The following KAT7 variants were observed in gnomAD, a reference collection of about 807,000 sequenced individuals.
KAT7 encodes the protein histone acetyltransferase KAT7.
Under a neutral mutation model 82.1 loss-of-function variants are expected in KAT7, and 10 were observed. The observed-to-expected ratio is 0.12, with a 90% CI of 0.08 to 0.21. The LOEUF is 0.21. KAT7 is among the 10% of genes least tolerant of loss of function. The probability of loss-of-function intolerance (pLI) is 1.00; values close to 1 mark genes in which losing one functional copy is unlikely to be tolerated. For missense variants in KAT7, 378 were observed against 760.9 expected, an observed-to-expected ratio of 0.50 and a Z score of 5.92; for synonymous variants, 250 against 262.5, an observed-to-expected ratio of 0.95 and a Z score of 0.46.
intron 9 of KAT7, among the ~76,000 whole-genome samples, chr17:49,819,197 G>T (rs749571306): frequency 6.6e-6 from 1 of 152,138 alleles, no homozygotes; most frequent in Non-Finnish European, 1.5e-5. Flanking sequence ...CAGTTTGGTT[G>T]GTGATAACTG....
Position 49,817,848 on chromosome 17 carries a change from C to G in KAT7, c.992C>G (p.Thr331Arg). The change falls in exon 9 of 15, where the codon ACA (threonine) becomes AGA (arginine). Residue 331 changes from threonine (T) to arginine (R), a missense_variant. Around this residue, in one of 6 missense-constraint regions of KAT7, gnomAD observed 102 missense variants for 129.8 expected, o/e 0.79. Transcript: ENST00000259021. The part of the protein sequence containing the change: ...LEKLRLQGQI[T>R]EGSNMIKTIA... The stretch of plus-strand genomic sequence containing the variant: ...AAGTTAAGGCTGCAAGGCCAAATCA[C>G]AGAGGGAAGCAACATGATTAAAACA... 6.2e-7 allele frequency: 1 copy of G among 1,612,496 alleles called. No homozygotes were observed. Among genetic ancestry groups the G allele is most frequent in the Non-Finnish European group, 8.5e-7 (1 of 1,179,798 alleles).
At position 49,825,550 on chromosome 17, in the gene KAT7, C is replaced by T. The variant is rs534535572; in HGVS notation, c.1481-450C>T. 3.3e-5 allele frequency among the ~76,000 whole-genome samples: 5 copies of T among 152,254 alleles called. No individual in the cohort carries two copies. In the South Asian group the frequency reaches 8.3e-4, roughly 25 times the overall value. Reference sequence around the variant, plus strand: ...ACTGCGGTCCAAAAATAGGTGAGTACAGTACAATAAGATATTTTGAGAGAC... The same window carrying T: ...ACTGCGGTCCAAAAATAGGTGAGTATAGTACAATAAGATATTTTGAGAGAC... On this transcript the variant is annotated intron_variant, in intron 12 of 14. Coordinates refer to ENST00000259021, the MANE Select transcript of KAT7 (RefSeq NM_007067.5).
Position 49,828,774 on chromosome 17 carries a change from A to C in KAT7, c.*1272A>C, listed in dbSNP as rs1432293918. The C allele has an allele frequency of 6.5e-6, 1 of 153,170 alleles. No individual in the cohort carries two copies. Among genetic ancestry groups the C allele is most frequent in the South Asian group, 2.1e-4 (1 of 4,822 alleles). 9.5% of individuals were successfully genotyped at this position (153,170 alleles called of 1,614,324 possible). A position where few individuals can be genotyped will look rare whatever the true frequency, so the allele number is the denominator to read the frequency against. ...GGCAACTTTTGATGTATGACATGTC[A>C]CCCTTCCCAACTTGGTCTCCTCCAA... On this transcript the variant is annotated 3_prime_UTR_variant, in exon 15 of 15. Coordinates refer to ENST00000259021, the MANE Select transcript of KAT7 (RefSeq NM_007067.5).
At chr17:49,791,583 G>A (rs112523185) in intron 1 of KAT7, among the ~76,000 whole-genome samples, 10 of 152,294 alleles carry the variant, frequency 6.6e-5, no homozygotes, top group African/African-American at 2.4e-4. Context: ...ACTTGAACCC[G>A]GGAGGCGGAG....
chr17:49,826,385 C>G (rs1024304918), intron 13 of KAT7: 8 of 510,824 alleles, frequency 1.6e-5, no homozygotes, highest in African/African-American at 1.3e-4. Context: ...AGCAAAACTT[C>G]AGATCGTTTG....
intron 4 of KAT7, among the ~76,000 whole-genome samples, chr17:49,804,196 G>A (rs1306945526): frequency 1.3e-5 from 2 of 151,856 alleles, no homozygotes; most frequent in Non-Finnish European, 2.9e-5. Context: ...TGGCTAACAT[G>A]GTGAAACCCC....
intron 9 of KAT7, among the ~76,000 whole-genome samples, chr17:49,820,285 A>C (rs1598085134): frequency 1.3e-5 from 2 of 149,030 alleles, no homozygotes; most frequent in Non-Finnish European, 1.5e-5. Context: ...CTTTTTAAAC[A>C]CTTTTTTCTT....
chr17:49,823,190 T>A lies in KAT7; in HGVS notation c.1387-12T>A. On this transcript the variant is annotated splice_polypyrimidine_tract_variant and intron_variant, in intron 11 of 14. Coordinates refer to ENST00000259021, the MANE Select transcript of KAT7 (RefSeq NM_007067.5). ...CCTCATGACGTGTTCATCTGTTTGC[T>A]CTTGATTTTAGGAAAAGAATTCATT... The A allele has an allele frequency of 6.8e-7, 1 of 1,473,180 alleles. No homozygotes were observed. The highest frequency in any genetic ancestry group is 9.5e-7 in the Non-Finnish European group (1 of 1,052,894). The allele number at this position is 1,473,180 out of a possible 1,614,324, so 91.3% of individuals were successfully genotyped here. A position where few individuals can be genotyped will look rare whatever the true frequency, so the allele number is the denominator to read the frequency against.
chr17:49,808,120 C>CTTTTTTTTTTTT (rs71146937), intron 5 of KAT7, among the ~76,000 whole-genome samples: 1 of 112,820 alleles, frequency 8.9e-6, no homozygotes, highest in Non-Finnish European at 1.8e-5. Flanking sequence ...CCCAGGTTTT[C>CTTTTTTTTTTTT]TTTTTTTTTT....
intron 12 of KAT7, 98 bp from the exon 13 acceptor site, chr17:49,825,902 T>C (rs1307454909): frequency 8.0e-7 from 1 of 1,246,850 alleles, no homozygotes; most frequent in Non-Finnish European, 1.1e-6. Context: ...TGGAGTGGAC[T>C]GTGCTTCTTA....
At chr17:49,802,308 A>G (rs1166126556) in intron 4 of KAT7, among the ~76,000 whole-genome samples, 1 of 152,168 alleles carries the variant, frequency 6.6e-6, no homozygotes, top group Non-Finnish European at 1.5e-5. Flanking sequence ...TTCCTTTTTT[A>G]CTGTAGATAA....
Position 49,834,666 on chromosome 17 carries a change from C to A in KAT7, c.*7164C>A, listed in dbSNP as rs1041145580. ...GTGTTTACTGAGAAAGCCTCCACTT[C>A]AACGTTCCATGAAGTGTGTTCCATT... On this transcript the variant is annotated 3_prime_UTR_variant, in exon 15 of 15. Transcript: ENST00000259021. 6.6e-6 allele frequency: 1 copy of A among 152,214 alleles called. No homozygotes were observed. Among genetic ancestry groups the A allele is most frequent in the Non-Finnish European group, 1.5e-5 (1 of 68,036 alleles). The allele number at this position is 152,214 out of a possible 1,614,324, so 9.4% of individuals were successfully genotyped here.
intron 5 of KAT7, among the ~76,000 whole-genome samples, chr17:49,807,946 G>A (rs1483339412): frequency 1.3e-5 from 2 of 152,058 alleles, no homozygotes; most frequent in African/African-American, 4.8e-5. Context: ...GTGGAGAAAT[G>A]CCAGTCGTTC....
At chr17:49,795,079 C>T (rs2073939006) in intron 2 of KAT7, among the ~76,000 whole-genome samples, 1 of 151,302 alleles carries the variant, frequency 6.6e-6, no homozygotes, top group Non-Finnish European at 1.5e-5. Context: ...GCGCCCTGGC[C>T]TGTGCATCCC....
intron 9 of KAT7, among the ~76,000 whole-genome samples, chr17:49,820,079 ACT>A (rs1263083029): frequency 6.6e-6 from 1 of 151,966 alleles, no homozygotes; most frequent in Non-Finnish European, 1.5e-5. Flanking sequence ...AAATAGTGAG[ACT>A]CTGTTGCTTC....
chr17:49,823,138 G>A, intron 11 of KAT7, 64 bp from the exon 12 acceptor site: 1 of 906,230 alleles, frequency 1.1e-6, no homozygotes, highest in South Asian at 1.3e-5. Flanking sequence ...TGCATCTGTG[G>A]AAGTGCTGAA....
intron 5 of KAT7, among the ~76,000 whole-genome samples, chr17:49,807,254 T>C (rs1036591380): frequency 6.6e-6 from 1 of 152,174 alleles, no homozygotes; most frequent in Non-Finnish European, 1.5e-5. Flanking sequence ...ACGAATGATA[T>C]AGAGAGAGTC....
intron 7 of KAT7, among the ~76,000 whole-genome samples, chr17:49,814,083 G>A (rs1334126893): frequency 6.6e-6 from 1 of 151,952 alleles, no homozygotes; most frequent in African/African-American, 2.4e-5. Flanking sequence ...GTAGAGACAG[G>A]GTTTTACCAT....
At chr17:49,805,509 G>A in intron 5 of KAT7, 64 bp downstream of exon 5, 1 of 1,175,918 alleles carries the variant, frequency 8.5e-7, no homozygotes, top group South Asian at 1.3e-5. Context: ...CAGGCACTTT[G>A]CTGAACACTG....
Sources: allele counts gnomAD v4.1 joint callset (sites outside exome capture counted in the v4.1 genomes callset), GRCh38; gene constraint gnomAD v4.1.1; regional missense constraint gnomAD v4.1.1; transcripts MANE v1.5; gene names NCBI Gene and HGNC (gene_info 2026-07-23, HGNC 2026-07-21).